The following DNAJB14 variants were observed in gnomAD, a reference collection of about 807,000 sequenced individuals.
The protein encoded by DNAJB14 is DnaJ heat shock protein family (Hsp40) member B14.
In DNAJB14, 22 loss-of-function variants were observed where a neutral mutation model predicts 48.4. That is an observed-to-expected ratio of 0.45 (90% CI 0.32 to 0.65). The LOEUF is 0.65. DNAJB14 is among the 30% of genes least tolerant of loss of function. The pLI, the probability that DNAJB14 is intolerant of heterozygous loss-of-function variation, is 0.03. For missense variants in DNAJB14, 319 were observed against 458.8 expected, an observed-to-expected ratio of 0.70 and a Z score of 2.78; for synonymous variants, 142 against 158.7, an observed-to-expected ratio of 0.89 and a Z score of 0.79.
chr4:99,915,374 C>T (rs2098937), intron 3 of DNAJB14, among the ~76,000 whole-genome samples: 68,050 of 151,850 alleles, frequency 0.45, 16,349 homozygotes, highest in African/African-American at 0.63. Context: ...CCTGACCTTG[C>T]GATCCACCCA....
chr4:99,945,160 T>C (rs1189732546), intron 1 of DNAJB14, among the ~76,000 whole-genome samples: 2 of 152,232 alleles, frequency 1.3e-5, no homozygotes, highest in African/African-American at 4.8e-5. Context: ...ACTTCACTAA[T>C]GGACTGCACA....
intron 1 of DNAJB14, among the ~76,000 whole-genome samples, chr4:99,941,016 A>G (rs1437074141): frequency 6.6e-6 from 1 of 151,896 alleles, no homozygotes; most frequent in Non-Finnish European, 1.5e-5. Context: ...TTAATATAGA[A>G]GGCCTTATGG....
At chr4:99,934,890 C>T (rs1726616627) in intron 1 of DNAJB14, among the ~76,000 whole-genome samples, 1 of 130,814 alleles carries the variant, frequency 7.6e-6, no homozygotes, top group Non-Finnish European at 1.7e-5. Context: ...TTTAAAAAAT[C>T]AATTAAAAAA....
At chr4:99,933,878 C>G (rs1328974162) in intron 1 of DNAJB14, among the ~76,000 whole-genome samples, 1 of 151,968 alleles carries the variant, frequency 6.6e-6, no homozygotes, top group East Asian at 1.9e-4. Context: ...CATTTGCCAG[C>G]CCACAGAACA....
At chr4:99,907,075 C>T (rs1725493108) in intron 4 of DNAJB14, among the ~76,000 whole-genome samples, 2 of 152,136 alleles carry the variant, frequency 1.3e-5, no homozygotes, top group South Asian at 2.1e-4. Flanking sequence ...TATTCAAACA[C>T]TCTCTTGCTG....
intron 1 of DNAJB14, among the ~76,000 whole-genome samples, chr4:99,936,180 G>T (rs1346024550): frequency 3.3e-5 from 5 of 152,164 alleles, no homozygotes; most frequent in Admixed American, 2.6e-4. Context: ...TTACATAAAA[G>T]CTCGATTTTA....
At chr4:99,935,684 A>G (rs1255634844) in intron 1 of DNAJB14, among the ~76,000 whole-genome samples, 1 of 145,992 alleles carries the variant, frequency 6.8e-6, no homozygotes, top group Non-Finnish European at 1.5e-5. Context: ...TAGAAAAATT[A>G]TTAGGCTTCT....
intron 6 of DNAJB14, among the ~76,000 whole-genome samples, chr4:99,905,069 C>G (rs1006341339): frequency 4.6e-5 from 7 of 151,500 alleles, no homozygotes; most frequent in Non-Finnish European, 7.4e-5. Flanking sequence ...GTTATAGTTT[C>G]CTTTATGTTC....
At chr4:99,924,718 G>T (rs757160387) in intron 2 of DNAJB14, 4 of 1,608,794 alleles carry the variant, frequency 2.5e-6, no homozygotes, top group Non-Finnish European at 3.4e-6. Context: ...GAAGCTATGT[G>T]ATAGAAAAAA....
chr4:99,935,328 A>G (rs1726632587), intron 1 of DNAJB14, among the ~76,000 whole-genome samples: 3 of 152,224 alleles, frequency 2.0e-5, no homozygotes, highest in Admixed American at 2.0e-4. Flanking sequence ...ACAGATACAC[A>G]TGGAAAGAAA....
intron 3 of DNAJB14, among the ~76,000 whole-genome samples, chr4:99,917,877 C>T (rs1212629305): frequency 3.3e-5 from 5 of 152,112 alleles, no homozygotes; most frequent in East Asian, 1.9e-4. Context: ...ATAGGTAAGG[C>T]GTCATTTCTC....
intron 5 of DNAJB14, chr4:99,906,206 C>T: frequency 7.4e-7 from 1 of 1,349,958 alleles, no homozygotes; most frequent in Non-Finnish European, 9.7e-7. Flanking sequence ...ACCTCCAATT[C>T]AAGTTTTTCA....
At chr4:99,941,542 G>A (rs1235915754) in intron 1 of DNAJB14, among the ~76,000 whole-genome samples, 2 of 152,122 alleles carry the variant, frequency 1.3e-5, no homozygotes, top group Admixed American at 6.5e-5. Flanking sequence ...AGGAAAGGAA[G>A]AGGTAATGAC....
At chr4:99,923,518 T>C (rs1726135276) in intron 2 of DNAJB14, among the ~76,000 whole-genome samples, 1 of 152,126 alleles carries the variant, frequency 6.6e-6, no homozygotes, top group African/African-American at 2.4e-5. Context: ...ATAATAATAA[T>C]TTTTTAGTAC....
At chr4:99,942,986 A>G (rs150388090) in intron 1 of DNAJB14, among the ~76,000 whole-genome samples, 2 of 152,182 alleles carry the variant, frequency 1.3e-5, no homozygotes, top group Non-Finnish European at 2.9e-5. Context: ...ACTTCCTTCT[A>G]TATGAAATAT....
chr4:99,905,982 C>G (rs955583266), intron 5 of DNAJB14: 121 of 1,285,290 alleles, frequency 9.4e-5, no homozygotes, highest in Non-Finnish European at 1.1e-4. Flanking sequence ...CGACTCCCTC[C>G]CCCCCACACA....
At position 99,900,831 on chromosome 4, in the gene DNAJB14, T is replaced by G. The variant is rs1208097887; in HGVS notation, c.*197A>C. ...AAAATGAAAATACTTGTAGAAGCGT[T>G]AACTAAAATATTCCATTTTAGTTTT... On this transcript the variant is annotated 3_prime_UTR_variant, in exon 8 of 8. Coordinates refer to ENST00000442697, the MANE Select transcript of DNAJB14 (RefSeq NM_001031723.4). 2.4e-6 allele frequency: 1 copy of G among 422,436 alleles called. No individual in the cohort carries two copies. Among genetic ancestry groups the G allele is most frequent in the African/African-American group, 2.1e-5 (1 of 48,658 alleles). The allele number at this position is 422,436 out of a possible 1,614,324, so 26.2% of individuals were successfully genotyped here.
At chr4:99,932,075 A>G (rs1361888617) in intron 1 of DNAJB14, among the ~76,000 whole-genome samples, 1 of 152,114 alleles carries the variant, frequency 6.6e-6, no homozygotes. Context: ...AACTCTTAGA[A>G]GAAAATACAG....
chr4:99,944,022 A>G (rs566729173), intron 1 of DNAJB14, among the ~76,000 whole-genome samples: 1 of 152,274 alleles, frequency 6.6e-6, no homozygotes, highest in South Asian at 2.1e-4. Flanking sequence ...ATAAATAAGG[A>G]ACTCCTACAA....
Sources: allele counts gnomAD v4.1 joint callset (sites outside exome capture counted in the v4.1 genomes callset), GRCh38; gene constraint gnomAD v4.1.1; transcripts MANE v1.5; gene names NCBI Gene and HGNC (gene_info 2026-07-23, HGNC 2026-07-21).